The following ANKHD1 variants were observed in gnomAD, a reference collection of about 807,000 sequenced individuals.
ANKHD1 encodes ankyrin repeat and KH domain-containing protein 1.
ANKHD1 carries 31 observed loss-of-function variants against 230.5 expected under a neutral mutation model. That is an observed-to-expected ratio of 0.13 (90% CI 0.10 to 0.18). ANKHD1 has a LOEUF of 0.18. Among genes scored for constraint, ANKHD1 ranks in the 10% least tolerant of loss-of-function variants. The pLI is 1.00. For missense variants in ANKHD1, 2,256 were observed against 3,071.3 expected, an observed-to-expected ratio of 0.73 and a Z score of 6.27; for synonymous variants, 1,074 against 1,117.6, an observed-to-expected ratio of 0.96 and a Z score of 0.78.
chr5:140,507,940 G>A lies in ANKHD1; in HGVS notation c.3707G>A (p.Arg1236Gln), dbSNP rs1487215555. ...CTCACCCTGGCCTGTTTCCAGGGCC[G>A]AGCAGAAGTAGTGAGTTTGCTTCTG... ...TALTLACFQG[R>Q]AEVVSLLLDR... Residue 1236 changes from arginine (R) to glutamine (Q), a missense_variant, in exon 20 of 34, where the codon CGA (arginine) becomes CAA (glutamine). Physicochemically the swap from Arg to Gln is conservative, Grantham distance 43. Around this residue, in one of 13 missense-constraint regions of ANKHD1, gnomAD observed 195 missense variants for 340.3 expected, o/e 0.57. Transcript: ENST00000360839. The surrounding 1 kb of genome is among the most constrained non-coding windows in gnomAD (Gnocchi z 4.1). 4 of 1,614,028 alleles carry A rather than the reference G, an allele frequency of 2.5e-6. No homozygotes were observed. The highest frequency in any genetic ancestry group is 2.5e-6 in the Non-Finnish European group (3 of 1,179,928).
intron 1 of ANKHD1, among the ~76,000 whole-genome samples, chr5:140,412,477 T>A (rs765294053): frequency 2.0e-5 from 3 of 152,316 alleles, no homozygotes; most frequent in Admixed American, 2.0e-4. Context: ...TTATATTTTT[T>A]AATGAAATTA....
rs763066818 is a variant in ANKHD1 at position 140,497,096 on chromosome 5, T to C, written c.2822T>C (p.Leu941Ser). Residue 941 changes from leucine (L) to serine (S), a missense_variant, in exon 15 of 34, where the codon TTA (leucine) becomes TCA (serine). This residue lies in a region of ANKHD1 where 358 missense variants were observed against 397.7 expected (regional missense o/e 0.90). Coordinates refer to ENST00000360839, the MANE Select transcript of ANKHD1 (RefSeq NM_017747.3). ...CCACAGTGTAACTTTTCCAGTGACT[T>C]AGGTTCTAATGGGACAAATTCTCTT... ...SSPQCNFSSDLGSNGTNSLEL... is the reference protein window; with the variant it reads ...SSPQCNFSSDSGSNGTNSLEL... 6.2e-7 allele frequency: 1 copy of C among 1,614,190 alleles called. No homozygotes were observed. Among genetic ancestry groups the C allele is most frequent in the Non-Finnish European group, 8.5e-7 (1 of 1,180,024 alleles).
At chr5:140,474,207 A>T (rs2127001267) in intron 10 of ANKHD1, among the ~76,000 whole-genome samples, 1 of 152,282 alleles carries the variant, frequency 6.6e-6, no homozygotes, top group Non-Finnish European at 1.5e-5. Flanking sequence ...AGTTCTCCTG[A>T]GGGGTATGAA....
intron 1 of ANKHD1, among the ~76,000 whole-genome samples, chr5:140,412,793 TATG>T (rs1581205570): frequency 6.6e-6 from 1 of 152,200 alleles, no homozygotes; most frequent in African/African-American, 2.4e-5. Context: ...TCAATTGACT[TATG>T]ATGATTGACT....
At chr5:140,477,495 G>A (rs576547593) in intron 10 of ANKHD1, among the ~76,000 whole-genome samples, 10 of 152,214 alleles carry the variant, frequency 6.6e-5, no homozygotes, top group African/African-American at 2.4e-4. Flanking sequence ...AGAGAAGTCC[G>A]AAGAAACTCC....
chr5:140,489,512 A>T (rs536582757), intron 14 of ANKHD1, among the ~76,000 whole-genome samples: 1 of 152,214 alleles, frequency 6.6e-6, no homozygotes, highest in East Asian at 1.9e-4. Context: ...AATAACACAG[A>T]TCCACAAAAC....
chr5:140,529,575 T>A lies in ANKHD1; in HGVS notation c.6629T>A (p.Phe2210Tyr). Residue 2210 changes from phenylalanine to tyrosine, a missense_variant, in exon 29 of 34, where the codon TTC becomes TAC. Physicochemically the swap from Phe to Tyr is conservative, Grantham distance 22. This residue lies in a region of ANKHD1 where 778 missense variants were observed against 966.5 expected (regional missense o/e 0.80). Coordinates refer to ENST00000360839, the MANE Select transcript of ANKHD1 (RefSeq NM_017747.3). ...LPPTFGPATLFNHFSSLFDSS... is the reference protein window; with the variant it reads ...LPPTFGPATLYNHFSSLFDSS... ...CCTACATTTGGCCCAGCCACACTTT[T>A]CAATCACTTCAGCAGTCTTTTTGAT... 2 of 1,614,218 alleles carry A rather than the reference T, an allele frequency of 1.2e-6. No homozygotes were observed. Among genetic ancestry groups the A allele is most frequent in the South Asian group, 2.2e-5 (2 of 91,088 alleles).
chr5:140,486,051 A>G (rs1751486650), intron 13 of ANKHD1: 1 of 257,186 alleles, frequency 3.9e-6, no homozygotes, highest in Non-Finnish European at 7.2e-6. Flanking sequence ...ATCAAGAGAA[A>G]GCTTTTTCTT....
At chr5:140,472,153 G>A in intron 10 of ANKHD1, 1 of 1,079,224 alleles carries the variant, frequency 9.3e-7, no homozygotes, top group South Asian at 1.4e-5. Context: ...CCCACCATCT[G>A]AAGTATCGGT....
At chr5:140,430,068 T>C (rs1192646779) in intron 1 of ANKHD1, among the ~76,000 whole-genome samples, 2 of 152,216 alleles carry the variant, frequency 1.3e-5, no homozygotes, top group African/African-American at 4.8e-5. Flanking sequence ...CTCCTCCCTT[T>C]TGTTTGTTTT....
At chr5:140,465,275 A>C (rs1776005338) in intron 10 of ANKHD1, 1 of 152,232 alleles carries the variant, frequency 6.6e-6, no homozygotes, top group African/African-American at 2.4e-5. Flanking sequence ...TTCTCTGATT[A>C]GACATTTCAA....
chr5:140,463,450 A>G (rs1775862210), intron 9 of ANKHD1, among the ~76,000 whole-genome samples: 1 of 152,158 alleles, frequency 6.6e-6, no homozygotes, highest in African/African-American at 2.4e-5. Context: ...TATTTAGTAA[A>G]TGGTACTTAG....
chr5:140,452,701 A>G (rs1774847599), intron 7 of ANKHD1, among the ~76,000 whole-genome samples: 1 of 152,166 alleles, frequency 6.6e-6, no homozygotes, highest in Non-Finnish European at 1.5e-5. Context: ...GGACATCCAC[A>G]CCAAAACCCC....
chr5:140,507,351 A>G lies in ANKHD1; in HGVS notation c.3551+374A>G, dbSNP rs1292925268. Among the ~76,000 whole-genome samples, 1 of 152,214 alleles carries G rather than the reference A, an allele frequency of 6.6e-6. No homozygotes were observed. The highest frequency in any genetic ancestry group is 2.4e-5 in the African/African-American group (1 of 41,460). ...AGATGGAGTTTCGCTCTTGTTGCCC[A>G]GGCTGGAATGCAATGGCGCGATCTT... On this transcript the variant is annotated intron_variant, in intron 19 of 33. Transcript: ENST00000360839. This position sits in a 1 kb window ranked among gnomAD's most constrained non-coding sequence, Gnocchi z 4.1.
chr5:140,414,837 C>CAA (rs35534779), intron 1 of ANKHD1, among the ~76,000 whole-genome samples: 3,312 of 138,700 alleles, frequency 0.024, 109 homozygotes, highest in African/African-American at 0.081. Context: ...GACCCTGTCT[C>CAA]AAAAAAAAAA....
intron 6 of ANKHD1, among the ~76,000 whole-genome samples, chr5:140,448,090 C>T (rs751924266): frequency 1.3e-5 from 2 of 152,142 alleles, no homozygotes; most frequent in Non-Finnish European, 2.9e-5. Flanking sequence ...GTCCTAGCTA[C>T]TCGGGCAGCT....
intron 1 of ANKHD1, among the ~76,000 whole-genome samples, chr5:140,416,586 A>G (rs1428233414): frequency 6.6e-6 from 1 of 152,024 alleles, no homozygotes; most frequent in East Asian, 1.9e-4. Flanking sequence ...TCCTCTTTTG[A>G]TTACTGTAGC....
At chr5:140,500,926 AT>A in intron 15 of ANKHD1, among the ~76,000 whole-genome samples, 1 of 152,020 alleles carries the variant, frequency 6.6e-6, no homozygotes, top group South Asian at 2.1e-4. Flanking sequence ...TGTTACTATC[AT>A]TGCCATCTTA....
chr5:140,454,207 A>G (rs1451251678), intron 7 of ANKHD1, among the ~76,000 whole-genome samples: 1 of 152,182 alleles, frequency 6.6e-6, no homozygotes, highest in Non-Finnish European at 1.5e-5. Flanking sequence ...CCAGATTCAT[A>G]AAGCAAGTCC....
Sources: allele counts gnomAD v4.1 joint callset (sites outside exome capture counted in the v4.1 genomes callset), GRCh38; gene constraint gnomAD v4.1.1; regional missense constraint gnomAD v4.1.1; non-coding constraint Gnocchi (gnomAD v3.1); transcripts MANE v1.5; gene names NCBI Gene and HGNC (gene_info 2026-07-23, HGNC 2026-07-21).